NKX6-2: variants seen among roughly 807,000 people sequenced by gnomAD.
NKX6-2 encodes the protein homeobox protein Nkx-6.2.
A neutral mutation model predicts 19.9 loss-of-function variants in NKX6-2; 22 were observed. The ratio of observed to expected loss-of-function variants is 1.10; its 90% CI spans 0.79 to 1.58. The LOEUF (loss-of-function observed/expected upper bound fraction) is 1.58, where lower values mean the gene tolerates loss of function less well. NKX6-2 is among the 40% of genes most tolerant of loss of function. The probability of loss-of-function intolerance (pLI) is 0.00; values close to 1 mark genes in which losing one functional copy is unlikely to be tolerated. For missense variants in NKX6-2, 475 were observed against 410.6 expected (o/e 1.16, Z -1.35); for synonymous variants, 257 against 204.0 (o/e 1.26, Z -2.21).
Position 132,785,709 on chromosome 10 carries a change from G to A in NKX6-2, c.240C>T (p.Pro80=). ...AAGGGLLGGL[P]RLNGLASSAG... ...CGGACGACGCGAGCCCGTTGAGCCG[G>A]GGCAGCCCCCCCAGGAGGCCCCCGC... is the stretch of plus-strand genomic sequence containing the variant. The change falls in exon 1 of 3, where the codon CCC becomes CCT. Residue 80 remains proline, a synonymous_variant. Transcript: ENST00000368592. This position sits in a 1 kb window ranked among gnomAD's most constrained non-coding sequence, Gnocchi z 5.5. The A allele has an allele frequency of 8.1e-7, 1 of 1,240,798 alleles. No individual in the cohort carries two copies. The highest frequency in any genetic ancestry group is 3.3e-5 in the South Asian group (1 of 30,484). The allele number at this position is 1,240,798 out of a possible 1,614,324, so 76.9% of individuals were successfully genotyped here.
Position 132,785,816 on chromosome 10 carries a change from G to A in NKX6-2, c.133C>T (p.Leu45=), listed in dbSNP as rs1349981652. Residue 45 remains leucine, a synonymous_variant, in exon 1 of 3, where the codon CTG becomes TTG. Coordinates refer to ENST00000368592, the MANE Select transcript of NKX6-2 (RefSeq NM_177400.3). This position sits in a 1 kb window ranked among gnomAD's most constrained non-coding sequence, Gnocchi z 5.5. ...QGPAGFKAPA[L]GGLGAQLPLG... ...GGGAGCTGCGCGCCCAGGCCCCCCAGCGCGGGCGCCTTGAAGCCGGCCGGA... is the reference window on the plus strand; with the variant it reads ...GGGAGCTGCGCGCCCAGGCCCCCCAACGCGGGCGCCTTGAAGCCGGCCGGA... 2.2e-6 allele frequency: 3 copies of A among 1,382,122 alleles called. No individual in the cohort carries two copies. The highest frequency in any genetic ancestry group is 2.8e-6 in the Non-Finnish European group (3 of 1,064,582). The allele number at this position is 1,382,122 out of a possible 1,614,324, so 85.6% of individuals were successfully genotyped here.
Position 132,785,673 on chromosome 10 carries a change from G to A in NKX6-2, c.276C>T (p.Tyr92=). The A allele has an allele frequency of 8.0e-7, 1 of 1,253,160 alleles. No homozygotes were observed. The highest frequency in any genetic ancestry group is 1.0e-6 in the Non-Finnish European group (1 of 1,000,518). The allele number at this position is 1,253,160 out of a possible 1,614,324, so 77.6% of individuals were successfully genotyped here. Residue 92 remains tyrosine (Y), a synonymous_variant, in exon 1 of 3, where the codon TAC becomes TAT. Transcript: ENST00000368592. This position sits in a 1 kb window ranked among gnomAD's most constrained non-coding sequence, Gnocchi z 5.5. ...GCGCCACAGCGGCCGCGGGCCCGAA[G>A]TAAACGCCGGCGGACGACGCGAGCC... The part of the protein sequence containing the change: ...LNGLASSAGV[Y]FGPAAAVARG...
rs981372660 is a variant in NKX6-2 at position 132,785,580 on chromosome 10, C to G, written c.369G>C (p.Gln123His). ...GACGCGGGTCCCTCCAGGGCGCGCC[C>G]TGCACCACGCCGGGCCAGAAGATGG... is the stretch of plus-strand genomic sequence containing the variant. ...RPPIFWPGVV[Q>H]GAPWRDPRLA... The change falls in exon 1 of 3, where the codon CAG becomes CAC. Residue 123 changes from glutamine (Q) to histidine (H), a missense_variant. Physicochemically the swap from Gln to His is conservative, Grantham distance 24. Coordinates refer to ENST00000368592, the MANE Select transcript of NKX6-2 (RefSeq NM_177400.3). This position sits in a 1 kb window ranked among gnomAD's most constrained non-coding sequence, Gnocchi z 5.5. 9 of 1,283,388 alleles carry G rather than the reference C, an allele frequency of 7.0e-6. No homozygotes were observed. Among genetic ancestry groups the G allele is most frequent in the Non-Finnish European group, 6.9e-6 (7 of 1,020,564 alleles). The allele number at this position is 1,283,388 out of a possible 1,614,324, so 79.5% of individuals were successfully genotyped here.
Position 132,784,384 on chromosome 10 carries a change from G to A in NKX6-2, c.*532C>T, listed in dbSNP as rs2134704922. On this transcript the variant is annotated 3_prime_UTR_variant, in exon 3 of 3. Transcript: ENST00000368592. ...GGACTTTGGAAATAATCAGAGCGAA[G>A]CCCTCGGCCAAGCGGGAACGGGTGC... 1 of 153,794 alleles carries A rather than the reference G, an allele frequency of 6.5e-6. No individual in the cohort carries two copies. The highest frequency in any genetic ancestry group is 1.9e-4 in the East Asian group (1 of 5,206). The allele number at this position is 153,794 out of a possible 1,614,324, so 9.5% of individuals were successfully genotyped here. A position where few individuals can be genotyped will look rare whatever the true frequency, so the allele number is the denominator to read the frequency against.
rs1203216652 is a variant in NKX6-2, at chr10:132,783,805, C to T, written c.*1111G>A. ...CCCACAGAAAAGCGTTGCTTCTGCC[C>T]TTCGAGTTGCTTCCTTGTAAAGAAG... On this transcript the variant is annotated 3_prime_UTR_variant, in exon 3 of 3. Transcript: ENST00000368592. 6.6e-6 allele frequency: 1 copy of T among 152,256 alleles called. No homozygotes were observed. Among genetic ancestry groups the T allele is most frequent in the Non-Finnish European group, 1.5e-5 (1 of 68,050 alleles). The allele number at this position is 152,256 out of a possible 1,614,324, so 9.4% of individuals were successfully genotyped here.
Position 132,785,370 on chromosome 10 carries a change from C to T in NKX6-2, c.489G>A (p.Leu163=). The change falls in exon 2 of 3, where the codon CTG becomes CTA. Residue 163 remains leucine, a synonymous_variant. Transcript: ENST00000368592. This position sits in a 1 kb window ranked among gnomAD's most constrained non-coding sequence, Gnocchi z 5.5. ...PTFSGQQIFA[L]EKTFEQTKYL... ...ACTTGGTCTGCTCGAAGGTTTTCTC[C>T]AGCGCGAAGATCTGCTGGCCCGAGA... 1 of 1,605,702 alleles carries T rather than the reference C, an allele frequency of 6.2e-7. No homozygotes were observed. The highest frequency in any genetic ancestry group is 2.3e-5 in the East Asian group (1 of 43,988).
Position 132,784,704 on chromosome 10 carries a change from G to A in NKX6-2, c.*212C>T. ...GCAGCCTCCGCACCGGGAACCCGGAGGACCCGAGGCGGGCGCAGGGGCGAA... is the reference window on the plus strand; with the variant it reads ...GCAGCCTCCGCACCGGGAACCCGGAAGACCCGAGGCGGGCGCAGGGGCGAA... On this transcript the variant is annotated 3_prime_UTR_variant, in exon 3 of 3. Transcript: ENST00000368592. 1 of 537,518 alleles carries A rather than the reference G, an allele frequency of 1.9e-6. No individual in the cohort carries two copies. The highest frequency in any genetic ancestry group is 3.2e-6 in the Non-Finnish European group (1 of 310,746). 33.3% of individuals were successfully genotyped at this position (537,518 alleles called of 1,614,324 possible).
In NKX6-2 at chr10:132,785,230, C is replaced by T; in HGVS notation, c.579+50G>A. Reference sequence around the variant, plus strand: ...GCCCGGGGCTGGCGCTGGGGCCGTTCGCAGGACGCGGGCCCCCGGCTCTGC... The same window carrying T: ...GCCCGGGGCTGGCGCTGGGGCCGTTTGCAGGACGCGGGCCCCCGGCTCTGC... On this transcript the variant is annotated intron_variant, in intron 2 of 2. Transcript: ENST00000368592. The surrounding 1 kb of genome is among the most constrained non-coding windows in gnomAD (Gnocchi z 5.5). 13 of 1,578,774 alleles carry T rather than the reference C, an allele frequency of 8.2e-6. No homozygotes were observed. The highest frequency in any genetic ancestry group is 1.1e-5 in the Non-Finnish European group (13 of 1,164,108).
Position 132,785,645 on chromosome 10 carries a change from C to G in NKX6-2, c.304G>C (p.Gly102Arg). The G allele has an allele frequency of 4.0e-6, 5 of 1,245,776 alleles. No individual in the cohort carries two copies. The highest frequency in any genetic ancestry group is 5.0e-6 in the Non-Finnish European group (5 of 997,416). 77.2% of individuals were successfully genotyped at this position (1,245,776 alleles called of 1,614,324 possible). A position where few individuals can be genotyped will look rare whatever the true frequency, so the allele number is the denominator to read the frequency against. The change falls in exon 1 of 3, where the codon GGC becomes CGC. Residue 102 changes from glycine (G) to arginine (R), a missense_variant. By Grantham distance (125) the Gly-to-Arg change is moderately radical (BLOSUM62 -2). Coordinates refer to ENST00000368592, the MANE Select transcript of NKX6-2 (RefSeq NM_177400.3). This position sits in a 1 kb window ranked among gnomAD's most constrained non-coding sequence, Gnocchi z 5.5. Reference protein sequence around the residue: ...YFGPAAAVARGYPKPLAELPG... With the variant: ...YFGPAAAVARRYPKPLAELPG... Reference sequence around the variant, plus strand: ...AGCTCGGCCAGGGGCTTGGGGTAGCCGCGCGCCACAGCGGCCGCGGGCCCG... The same window carrying G: ...AGCTCGGCCAGGGGCTTGGGGTAGCGGCGCGCCACAGCGGCCGCGGGCCCG...
rs1847224900 is a variant in NKX6-2, at chr10:132,784,556, C to G, written c.*360G>C. ...CCGCCCCGAGGCGAGGCGGGCCGGG[C>G]CGTACCTGCTGCTCCGTCCCCGGCT... On this transcript the variant is annotated 3_prime_UTR_variant, in exon 3 of 3. Coordinates refer to ENST00000368592, the MANE Select transcript of NKX6-2 (RefSeq NM_177400.3). The G allele has an allele frequency of 4.9e-6, 1 of 205,546 alleles. No homozygotes were observed. Among genetic ancestry groups the G allele is most frequent in the Admixed American group, 6.1e-5 (1 of 16,440 alleles). 12.7% of individuals were successfully genotyped at this position (205,546 alleles called of 1,614,324 possible). A position where few individuals can be genotyped will look rare whatever the true frequency, so the allele number is the denominator to read the frequency against.
chr10:132,785,525 C>G lies in NKX6-2; in HGVS notation c.406+18G>C. On this transcript the variant is annotated intron_variant, in intron 1 of 2. Coordinates refer to ENST00000368592, the MANE Select transcript of NKX6-2 (RefSeq NM_177400.3). This position sits in a 1 kb window ranked among gnomAD's most constrained non-coding sequence, Gnocchi z 5.5. ...CTCCGCGCCCACCCGCCCCGCACCC[C>G]CCGCGCGGGCCACTCACCCGGGCCA... 7.2e-7 allele frequency: 1 copy of G among 1,384,154 alleles called. No homozygotes were observed. The highest frequency in any genetic ancestry group is 9.3e-7 in the Non-Finnish European group (1 of 1,072,986). The allele number at this position is 1,384,154 out of a possible 1,614,324, so 85.7% of individuals were successfully genotyped here.
chr10:132,785,415 C>T lies in NKX6-2; in HGVS notation c.444G>A (p.Lys148=), dbSNP rs755336717. The T allele has an allele frequency of 2.8e-5, 44 of 1,597,972 alleles. No homozygotes were observed. The highest frequency in any genetic ancestry group is 3.7e-5 in the Non-Finnish European group (44 of 1,174,578). ...CCGAGAAGGTCGGGCGCGAGTGCTTCTTCTTCCCGTCCTTGTCCAGGACGC... is the reference window on the plus strand; with the variant it reads ...CCGAGAAGGTCGGGCGCGAGTGCTTTTTCTTCCCGTCCTTGTCCAGGACGC... ...AGGVLDKDGK[K]KHSRPTFSGQ... is the part of the protein sequence containing the mutation. Residue 148 remains lysine, a synonymous_variant, in exon 2 of 3, where the codon AAG becomes AAA. Transcript: ENST00000368592. The surrounding 1 kb of genome is among the most constrained non-coding windows in gnomAD (Gnocchi z 5.5).
chr10:132,785,499 C>T lies in NKX6-2; in HGVS notation c.406+44G>A. 7.0e-7 allele frequency: 1 copy of T among 1,437,738 alleles called. No homozygotes were observed. The allele number at this position is 1,437,738 out of a possible 1,614,324, so 89.1% of individuals were successfully genotyped here. Reference sequence around the variant, plus strand: ...GGAGGTCAGCGGCCGGCGGGGTCCCCCTCCGCGCCCACCCGCCCCGCACCC... The same window carrying T: ...GGAGGTCAGCGGCCGGCGGGGTCCCTCTCCGCGCCCACCCGCCCCGCACCC... On this transcript the variant is annotated intron_variant, in intron 1 of 2. Transcript: ENST00000368592. This position sits in a 1 kb window ranked among gnomAD's most constrained non-coding sequence, Gnocchi z 5.5.
Position 132,785,251 on chromosome 10 carries a change from T to C in NKX6-2, c.579+29A>G. 1 of 1,594,004 alleles carries C rather than the reference T, an allele frequency of 6.3e-7. No homozygotes were observed. The highest frequency in any genetic ancestry group is 8.5e-7 in the Non-Finnish European group (1 of 1,171,676). ...CGTTCGCAGGACGCGGGCCCCCGGC[T>C]CTGCTCTCCCGAGCCCCGCCGCGCT... On this transcript the variant is annotated intron_variant, in intron 2 of 2. Coordinates refer to ENST00000368592, the MANE Select transcript of NKX6-2 (RefSeq NM_177400.3). This position sits in a 1 kb window ranked among gnomAD's most constrained non-coding sequence, Gnocchi z 5.5.
Position 132,785,552 on chromosome 10 carries a change from C to A in NKX6-2, c.397G>T (p.Ala133Ser), listed in dbSNP as rs1260987837. The A allele has an allele frequency of 2.2e-6, 3 of 1,360,664 alleles. No individual in the cohort carries two copies. Among genetic ancestry groups the A allele is most frequent in the African/African-American group, 3.1e-5 (2 of 64,356 alleles). The allele number at this position is 1,360,664 out of a possible 1,614,324, so 84.3% of individuals were successfully genotyped here. A position where few individuals can be genotyped will look rare whatever the true frequency, so the allele number is the denominator to read the frequency against. ...QGAPWRDPRL[A>S]GPAPAGGVLD... ...CGCGCGGGCCACTCACCCGGGCCAG[C>A]CAGACGCGGGTCCCTCCAGGGCGCG... Residue 133 changes from alanine to serine, a missense_variant, in exon 1 of 3, where the codon GCT becomes TCT. Physicochemically the swap from Ala to Ser is moderately conservative, Grantham distance 99. Coordinates refer to ENST00000368592, the MANE Select transcript of NKX6-2 (RefSeq NM_177400.3). This position sits in a 1 kb window ranked among gnomAD's most constrained non-coding sequence, Gnocchi z 5.5.
Position 132,785,337 on chromosome 10 carries a change from C to G in NKX6-2, c.522G>C (p.Ala174=), listed in dbSNP as rs371301098. ...EKTFEQTKYL[A]GPERARLAYS... Reference sequence around the variant, plus strand: ...AGGCGAGACGCGCGCGCTCCGGGCCCGCCAGGTACTTGGTCTGCTCGAAGG... The same window carrying G: ...AGGCGAGACGCGCGCGCTCCGGGCCGGCCAGGTACTTGGTCTGCTCGAAGG... The change falls in exon 2 of 3, where the codon GCG becomes GCC. Residue 174 remains alanine, a synonymous_variant. Coordinates refer to ENST00000368592, the MANE Select transcript of NKX6-2 (RefSeq NM_177400.3). This position sits in a 1 kb window ranked among gnomAD's most constrained non-coding sequence, Gnocchi z 5.5. The G allele has an allele frequency of 2.0e-4, 322 of 1,606,878 alleles. No homozygotes were observed. The highest frequency in any genetic ancestry group is 1.7e-4 in the Middle Eastern group (1 of 6,036).
rs770310729 is a variant in NKX6-2, at chr10:132,785,152, G to T, written c.598C>A (p.Arg200=). 3.1e-6 allele frequency: 5 copies of T among 1,611,470 alleles called. No individual in the cohort carries two copies. The Admixed American group carries it at 8.3e-5, about 27-fold the overall frequency. Reference sequence around the variant, plus strand: ...GCGTGCCGCTTGCGCCACTTGGTCCGGCGGTTCTGGAACCAGACCTGGGAG... The same window carrying T: ...GCGTGCCGCTTGCGCCACTTGGTCCTGCGGTTCTGGAACCAGACCTGGGAG... ...SQVKVWFQNR[R]TKWRKRHAVE... Residue 200 remains arginine, a synonymous_variant, in exon 3 of 3, where the codon CGG becomes AGG. Coordinates refer to ENST00000368592, the MANE Select transcript of NKX6-2 (RefSeq NM_177400.3). This position sits in a 1 kb window ranked among gnomAD's most constrained non-coding sequence, Gnocchi z 5.5.
Position 132,785,009 on chromosome 10 carries a change from G to A in NKX6-2, c.741C>T (p.Asp247=). The change falls in exon 3 of 3, where the codon GAC becomes GAT. Residue 247 remains aspartate (D), a synonymous_variant. Transcript: ENST00000368592. The surrounding 1 kb of genome is among the most constrained non-coding windows in gnomAD (Gnocchi z 5.5). ...TGAGCAGCCGCGTGATCTTCTCGTC[G>A]TCCGAGTTGGGGTCCAGGGGCCGGT... The part of the protein sequence containing the change: ...EYNRPLDPNS[D]DEKITRLLKK... 6.2e-7 allele frequency: 1 copy of A among 1,611,290 alleles called. No individual in the cohort carries two copies. The highest frequency in any genetic ancestry group is 8.5e-7 in the Non-Finnish European group (1 of 1,178,304).
At position 132,784,979 on chromosome 10, in the gene NKX6-2, C is replaced by G. The variant is rs773700509; in HGVS notation, c.771G>C (p.Lys257Asn). The G allele has an allele frequency of 6.2e-6, 10 of 1,612,772 alleles. No individual in the cohort carries two copies. The highest frequency in any genetic ancestry group is 8.5e-6 in the Non-Finnish European group (10 of 1,179,846). Residue 257 changes from lysine (K) to asparagine (N), a missense_variant, in exon 3 of 3, where the codon AAG (lysine) becomes AAC (asparagine). Transcript: ENST00000368592. ...CCAGCGCCAAGTTCGAGGGTTTGTG[C>G]TTCTTGAGCAGCCGCGTGATCTTCT... Reference protein sequence around the residue: ...DDEKITRLLKKHKPSNLALVS... With the variant: ...DDEKITRLLKNHKPSNLALVS...
Sources: allele counts gnomAD v4.1 joint callset, GRCh38; gene constraint gnomAD v4.1.1; non-coding constraint Gnocchi (gnomAD v3.1); transcripts MANE v1.5; gene names NCBI Gene and HGNC (gene_info 2026-07-23, HGNC 2026-07-21).